The following GRHL3 variants were observed in gnomAD, a reference collection of about 807,000 sequenced individuals.
The protein encoded by GRHL3 is grainyhead like transcription factor 3.
In GRHL3, 20 loss-of-function variants were observed where a neutral mutation model predicts 70.3. The observed-to-expected ratio is 0.28, with a 90% CI of 0.20 to 0.41. GRHL3 has a LOEUF of 0.41. GRHL3 is among the 10% of genes least tolerant of loss of function. The pLI, the probability that GRHL3 is intolerant of heterozygous loss-of-function variation, is 1.00. For missense variants in GRHL3, 637 were observed against 762.3 expected (o/e 0.84, Z 1.94); for synonymous variants, 299 against 299.9 (o/e 1.00, Z 0.03).
At chr1:24,324,519 C>T (rs1639319089) in intron 1 of GRHL3, among the ~76,000 whole-genome samples, 1 of 152,218 alleles carries the variant, frequency 6.6e-6, no homozygotes. Flanking sequence ...TGTGCTGGCA[C>T]TATGCTGATC....
chr1:24,335,781 A>C (rs1297425811), intron 3 of GRHL3, among the ~76,000 whole-genome samples: 1 of 151,680 alleles, frequency 6.6e-6, no homozygotes, highest in East Asian at 1.9e-4. Context: ...ATGGGGTTTC[A>C]CCATATTAGC....
intron 14 of GRHL3, among the ~76,000 whole-genome samples, chr1:24,349,179 T>C (rs1640406204): frequency 6.6e-6 from 1 of 152,230 alleles, no homozygotes. Flanking sequence ...CAGAGGAAAC[T>C]TCAGAAGCTC....
chr1:24,338,347 G>C (rs1042044482), intron 7 of GRHL3, among the ~76,000 whole-genome samples: 16 of 152,232 alleles, frequency 1.1e-4, no homozygotes, highest in Admixed American at 1.0e-3. Context: ...AGGCTCCTGC[G>C]ATGCTGGCCT....
intron 1 of GRHL3, among the ~76,000 whole-genome samples, chr1:24,324,411 C>T (rs1001126069): frequency 1.6e-4 from 25 of 152,260 alleles, no homozygotes; most frequent in Middle Eastern, 3.4e-3. Flanking sequence ...GAAGAGATAT[C>T]CCGATTCATA....
chr1:24,363,568 C>T (rs1641260522), intron 15 of GRHL3, among the ~76,000 whole-genome samples: 2 of 152,208 alleles, frequency 1.3e-5, no homozygotes, highest in African/African-American at 4.8e-5. Context: ...GCCTCAATTT[C>T]CTCATCTGTA....
rs920310015 is a variant in GRHL3, at chr1:24,322,265, C to T, written c.17+2697C>T. Among the ~76,000 whole-genome samples, 3 of 152,304 alleles carry T rather than the reference C, an allele frequency of 2.0e-5. No individual in the cohort carries two copies. The highest frequency in any genetic ancestry group is 6.5e-5 in the Admixed American group (1 of 15,314). On this transcript the variant is annotated intron_variant, in intron 1 of 15. Coordinates refer to ENST00000361548, the MANE Select transcript of GRHL3 (RefSeq NM_198173.3). The surrounding 1 kb of genome is among the most constrained non-coding windows in gnomAD (Gnocchi z 4.4). ...CTGCCGCCTGGAGTCTCCCCTCAGC[C>T]TCGCAGAGACGCGACTCGGTTGGGG...
chr1:24,327,502 A>G (rs1391588396), intron 1 of GRHL3, among the ~76,000 whole-genome samples: 1 of 152,170 alleles, frequency 6.6e-6, no homozygotes, highest in Non-Finnish European at 1.5e-5. Flanking sequence ...ATACACTGTG[A>G]CCCTGGTGCT....
At chr1:24,336,984 G>A (rs1639843210) in intron 4 of GRHL3, 94 bp from the exon 5 acceptor site, 3 of 1,330,342 alleles carry the variant, frequency 2.3e-6, no homozygotes, top group Non-Finnish European at 3.2e-6. Flanking sequence ...GTTGTACACT[G>A]TACAACCTGC....
chr1:24,359,084 T>C (rs1640917973), downstream of GRHL3, among the ~76,000 whole-genome samples: 1 of 152,142 alleles, frequency 6.6e-6, no homozygotes, highest in South Asian at 2.1e-4. This position sits in a 1 kb window ranked among gnomAD's most constrained non-coding sequence, Gnocchi z 5.3. Context: ...CTGACTTGGT[T>C]AATGAGGGTC....
At chr1:24,360,430 A>G (rs1347924759) in intron 15 of GRHL3, among the ~76,000 whole-genome samples, 2 of 152,240 alleles carry the variant, frequency 1.3e-5, no homozygotes, top group African/African-American at 2.4e-5. Context: ...TGGGCGATAC[A>G]GCGAGACTCC....
intron 5 of GRHL3, chr1:24,337,408 G>T (rs1356567873): frequency 5.0e-6 from 3 of 600,166 alleles, no homozygotes; most frequent in Middle Eastern, 4.4e-4. Flanking sequence ...ACCCCTCAAG[G>T]TTCTCTCTAA....
Position 24,352,748 on chromosome 1 carries a change from T to G in GRHL3, c.1695-1626T>G, listed in dbSNP as rs150733204. Among the ~76,000 whole-genome samples, 440 of 152,304 alleles carry G rather than the reference T, an allele frequency of 2.9e-3. 5 individuals are homozygous for G. The highest frequency in any genetic ancestry group is 0.01 in the African/African-American group (416 of 41,574). Reference sequence around the variant, plus strand: ...AAGGACCCACCCCTCTGCCCAGTTCTGGTCTCCCCTGGTCTGTTTCCGACC... The same window carrying G: ...AAGGACCCACCCCTCTGCCCAGTTCGGGTCTCCCCTGGTCTGTTTCCGACC... On this transcript the variant is annotated intron_variant, in intron 15 of 15. Transcript: ENST00000361548.
At chr1:24,340,500 A>T (rs1639994598) in intron 8 of GRHL3, among the ~76,000 whole-genome samples, 1 of 152,218 alleles carries the variant, frequency 6.6e-6, no homozygotes, top group African/African-American at 2.4e-5. Context: ...CCATGTGCGC[A>T]TGGGCCTCGC....
chr1:24,342,486 ATGGCCTGTAG>A lies in GRHL3; in HGVS notation c.1207-205_1207-196del, dbSNP rs1202634091. On this transcript the variant is annotated intron_variant, in intron 9 of 15. Coordinates refer to ENST00000361548, the MANE Select transcript of GRHL3 (RefSeq NM_198173.3). This position sits in a 1 kb window ranked among gnomAD's most constrained non-coding sequence, Gnocchi z 4.8. ...TGTCTTCTGTCTGTCCGCCTCTCTC[ATGGCCTGTAG>A]TGACCTCAGGCAAGCAGGGCCAGGC... Among the ~76,000 whole-genome samples, 1 of 151,718 alleles carries A rather than the reference ATGGCCTGTAG, an allele frequency of 6.6e-6. No homozygotes were observed. Among genetic ancestry groups the A allele is most frequent in the Non-Finnish European group, 1.5e-5 (1 of 67,952 alleles).
At chr1:24,339,865 C>A in intron 8 of GRHL3, 103 bp downstream of exon 8, 1 of 675,442 alleles carries the variant, frequency 1.5e-6, no homozygotes. Context: ...TTTGCTCCGA[C>A]GAGGGCACTC....
intron 3 of GRHL3, 100 bp from the exon 4 acceptor site, chr1:24,336,382 C>T (rs924487603): frequency 2.6e-6 from 2 of 761,394 alleles, no homozygotes; most frequent in East Asian, 5.0e-5. Flanking sequence ...AAACATTACA[C>T]TGGATCAAAG....
At chr1:24,337,327 T>G (rs529876258) in intron 5 of GRHL3, among the ~76,000 whole-genome samples, 176 bp downstream of exon 5, 1 of 152,320 alleles carries the variant, frequency 6.6e-6, no homozygotes, top group Non-Finnish European at 1.5e-5. Context: ...CGGGCTGTGA[T>G]AGGGAGCTCA....
intron 7 of GRHL3, among the ~76,000 whole-genome samples, chr1:24,339,117 A>G (rs1639937351): frequency 6.6e-6 from 1 of 152,188 alleles, no homozygotes; most frequent in African/African-American, 2.4e-5. Context: ...TATTTGGCAA[A>G]GCTTGGGATT....
Position 24,336,788 on chromosome 1 carries a change from C to T in GRHL3, c.573C>T (p.Arg191=). 6.2e-7 allele frequency: 1 copy of T among 1,611,596 alleles called. No homozygotes were observed. Among genetic ancestry groups the T allele is most frequent in the Non-Finnish European group, 8.5e-7 (1 of 1,178,442 alleles). ...TTCATGGGGTGCCGCCCACACAGCG[C>T]TGGCAGCCAGACAGCACCTTCAAAG... ...ESIHGVPPTQ[R]WQPDSTFKDD... The change falls in exon 4 of 16, where the codon CGC becomes CGT. Residue 191 remains arginine, a synonymous_variant. Coordinates refer to ENST00000361548, the MANE Select transcript of GRHL3 (RefSeq NM_198173.3).
Sources: allele counts gnomAD v4.1 joint callset (sites outside exome capture counted in the v4.1 genomes callset), GRCh38; gene constraint gnomAD v4.1.1; non-coding constraint Gnocchi (gnomAD v3.1); transcripts MANE v1.5; gene names NCBI Gene and HGNC (gene_info 2026-07-23, HGNC 2026-07-21).